The following ST8SIA5 variants were observed in gnomAD, a reference collection of about 807,000 sequenced individuals.
The protein encoded by ST8SIA5 is alpha-2,8-sialyltransferase 8E.
Under a neutral mutation model 40.2 loss-of-function variants are expected in ST8SIA5, and 24 were observed. The ratio of observed to expected loss-of-function variants is 0.60; its 90% CI spans 0.43 to 0.84. The LOEUF is 0.84. Ranked by LOEUF, ST8SIA5 falls within the 40% of genes least tolerant of loss-of-function variation. The pLI is 0.00. For synonymous variants in ST8SIA5, 198 were observed against 201.8 expected (o/e 0.98, Z 0.16); for missense variants, 465 against 498.5 (o/e 0.93, Z 0.64).
intron 1 of ST8SIA5, among the ~76,000 whole-genome samples, chr18:46,720,270 T>G (rs559647772): frequency 6.6e-6 from 1 of 152,280 alleles, no homozygotes; most frequent in East Asian, 1.9e-4. Flanking sequence ...CAGGCCAGCA[T>G]GGGAGGCTCA....
chr18:46,707,862 C>T (rs1193825955), intron 1 of ST8SIA5, among the ~76,000 whole-genome samples: 1 of 152,174 alleles, frequency 6.6e-6, no homozygotes, highest in East Asian at 1.9e-4. Context: ...GGAAGTAGGT[C>T]CTCACCTGAA....
At chr18:46,697,426 A>G (rs1000478239) in intron 2 of ST8SIA5, among the ~76,000 whole-genome samples, 2 of 152,252 alleles carry the variant, frequency 1.3e-5, no homozygotes, top group African/African-American at 4.8e-5. Flanking sequence ...GAAGAGCTGG[A>G]AGATGAAGTC....
At chr18:46,744,507 A>G (rs1252602257) in intron 1 of ST8SIA5, among the ~76,000 whole-genome samples, 1 of 152,240 alleles carries the variant, frequency 6.6e-6, no homozygotes, top group Non-Finnish European at 1.5e-5. Flanking sequence ...TTCAACGAGA[A>G]GAGCTAACTA....
At position 46,725,972 on chromosome 18, in the gene ST8SIA5, A is replaced by AAAAT. The variant is rs59660372; in HGVS notation, c.132-21309_132-21308insATTT. Among the ~76,000 whole-genome samples the AAAAT allele has an allele frequency of 1.9e-3, 56 of 29,070 alleles. 1 individual carries two copies. The highest frequency in any genetic ancestry group is 6.3e-3 in the African/African-American group (42 of 6,644). The allele number at this position is 29,070 out of a possible 152,430, so 19.1% of individuals were successfully genotyped here. A position where few individuals can be genotyped will look rare whatever the true frequency, so the allele number is the denominator to read the frequency against. ...CCCATCTCTACTTAAAAAAAAAAAA[A>AAAAT]ATATATATATATATATATATATATA... On this transcript the variant is annotated intron_variant, in intron 1 of 6. Transcript: ENST00000315087.
chr18:46,706,849 G>C (rs1484062909), intron 1 of ST8SIA5, among the ~76,000 whole-genome samples: 1 of 152,168 alleles, frequency 6.6e-6, no homozygotes, highest in African/African-American at 2.4e-5. Context: ...AACTGCAGTA[G>C]TGGTAACACC....
chr18:46,753,250 T>C (rs924646331), intron 1 of ST8SIA5, among the ~76,000 whole-genome samples: 9 of 152,130 alleles, frequency 5.9e-5, no homozygotes, highest in African/African-American at 2.2e-4. Context: ...GACACCAAGT[T>C]TGGTGTTCAC....
intron 1 of ST8SIA5, among the ~76,000 whole-genome samples, chr18:46,723,901 G>T (rs2039888345): frequency 6.6e-6 from 1 of 151,988 alleles, no homozygotes; most frequent in Non-Finnish European, 1.5e-5. Context: ...ACTCCAGCCT[G>T]GGTGACAAGA....
At chr18:46,740,411 A>G (rs1377641302) in intron 1 of ST8SIA5, among the ~76,000 whole-genome samples, 1 of 152,222 alleles carries the variant, frequency 6.6e-6, no homozygotes, top group African/African-American at 2.4e-5. Flanking sequence ...CAGTAATCAC[A>G]ATAAATGTAA....
chr18:46,741,091 T>G (rs904396795), intron 1 of ST8SIA5, among the ~76,000 whole-genome samples: 2 of 151,728 alleles, frequency 1.3e-5, no homozygotes, highest in Non-Finnish European at 1.5e-5. Context: ...AAAGCAAATA[T>G]CCAAGAGAAA....
intron 2 of ST8SIA5, among the ~76,000 whole-genome samples, chr18:46,697,287 T>C (rs1020512735): frequency 2.6e-5 from 4 of 152,116 alleles, no homozygotes; most frequent in African/African-American, 9.7e-5. Context: ...CTGGTCAACC[T>C]GAAGTGAGAC....
intron 1 of ST8SIA5, among the ~76,000 whole-genome samples, chr18:46,742,050 C>T (rs572995863): frequency 2.0e-5 from 3 of 151,550 alleles, no homozygotes; most frequent in East Asian, 3.9e-4. Context: ...TGCAGTGAGC[C>T]GAGATCAAGC....
chr18:46,751,809 G>A (rs1416785034), intron 1 of ST8SIA5, among the ~76,000 whole-genome samples: 1 of 152,152 alleles, frequency 6.6e-6, no homozygotes, highest in African/African-American at 2.4e-5. Flanking sequence ...TGTGTTCAAG[G>A]TCTCCGGCTA....
intron 1 of ST8SIA5, among the ~76,000 whole-genome samples, chr18:46,714,428 G>A (rs2039764903): frequency 6.6e-6 from 1 of 152,204 alleles, no homozygotes. Context: ...TACAAGGGAG[G>A]AAGCACAGGA....
rs2144455434 is a variant in ST8SIA5, at chr18:46,680,221, G to A, written c.952C>T (p.Leu318Phe). ...ATGGGGAAGGCCCAGAAGCCAAAGA[G>A]GTGCACCTCCTCACAGAGCTCCAGC... ...AALELCEEVH[L>F]FGFWAFPMNP... Residue 318 changes from leucine to phenylalanine, a missense_variant, in exon 7 of 7, where the codon CTC becomes TTC. Physicochemically the swap from Leu to Phe is conservative, Grantham distance 22 (BLOSUM62 0). Coordinates refer to ENST00000315087, the MANE Select transcript of ST8SIA5 (RefSeq NM_013305.6). 6.2e-7 allele frequency: 1 copy of A among 1,614,212 alleles called. No homozygotes were observed.
At position 46,756,616 on chromosome 18, in the gene ST8SIA5, G is replaced by T; in HGVS notation, c.-108C>A. 7.5e-7 allele frequency: 1 copy of T among 1,339,994 alleles called. No individual in the cohort carries two copies. Among genetic ancestry groups the T allele is most frequent in the South Asian group, 1.5e-5 (1 of 66,530 alleles). 83.0% of individuals were successfully genotyped at this position (1,339,994 alleles called of 1,614,324 possible). ...GGCCGACTTGGCGCCTCACGGTGCG[G>T]TCAGGCAGGCGGGGGACTTCGAGGG... On this transcript the variant is annotated 5_prime_UTR_variant, in exon 1 of 7. Transcript: ENST00000315087.
At chr18:46,733,046 G>A (rs944791435) in intron 1 of ST8SIA5, among the ~76,000 whole-genome samples, 2 of 152,158 alleles carry the variant, frequency 1.3e-5, no homozygotes, top group African/African-American at 4.8e-5. Flanking sequence ...CCTCCAGAAA[G>A]CAGTGAGCAG....
intron 1 of ST8SIA5, among the ~76,000 whole-genome samples, chr18:46,709,797 TTA>T (rs1321847237): frequency 1.3e-5 from 2 of 152,322 alleles, no homozygotes; most frequent in South Asian, 2.1e-4. Flanking sequence ...GGATGATGCG[TTA>T]TTTTTTTAAA....
chr18:46,742,971 T>C (rs1379509406), intron 1 of ST8SIA5, among the ~76,000 whole-genome samples: 2 of 152,050 alleles, frequency 1.3e-5, no homozygotes, highest in Non-Finnish European at 2.9e-5. Context: ...GACCTGCAGG[T>C]GAGGGACCTG....
At chr18:46,704,435 A>C in intron 2 of ST8SIA5, 137 bp downstream of exon 2, 2 of 733,102 alleles carry the variant, frequency 2.7e-6, no homozygotes, top group Non-Finnish European at 4.7e-6. Context: ...GCTCTGGGGA[A>C]GGAGACCTAC....
Sources: allele counts gnomAD v4.1 joint callset (sites outside exome capture counted in the v4.1 genomes callset), GRCh38; gene constraint gnomAD v4.1.1; transcripts MANE v1.5; gene names NCBI Gene and HGNC (gene_info 2026-07-23, HGNC 2026-07-21).